The following TTLL8 variants were observed in gnomAD, a reference collection of about 807,000 sequenced individuals.
The protein encoded by TTLL8 is tubulin tyrosine ligase like 8, also known as protein monoglycylase TTLL8.
A neutral mutation model predicts 77.8 loss-of-function variants in TTLL8; 65 were observed. The ratio of observed to expected loss-of-function variants is 0.84; its 90% CI spans 0.68 to 1.03. The LOEUF (loss-of-function observed/expected upper bound fraction) is 1.03, where lower values mean the gene tolerates loss of function less well. Among genes scored for constraint, TTLL8 ranks in the 50% least tolerant of loss-of-function variants. The pLI, the probability that TTLL8 is intolerant of heterozygous loss-of-function variation, is 0.00. For synonymous variants in TTLL8, 402 were observed against 422.8 expected (o/e 0.95, Z 0.60); for missense variants, 910 against 1,004.5 (o/e 0.91, Z 1.27).
chr22:50,026,356 C>T (rs2061229571), intron 12 of TTLL8, among the ~76,000 whole-genome samples: 1 of 125,666 alleles, frequency 8.0e-6, no homozygotes, highest in Non-Finnish European at 1.8e-5. Context: ...GCACAGCCAC[C>T]ACCTCAGAGT....
chr22:50,041,875 G>A lies in TTLL8; in HGVS notation c.644-68C>T. ...GGGGCAGCCCTGCCCGCCTCGAGGG[G>A]TGATGTCTAAAGTCATGGACAAAGG... is the stretch of plus-strand genomic sequence containing the variant. On this transcript the variant is annotated intron_variant, in intron 6 of 13. Transcript: ENST00000266182. This position sits in a 1 kb window ranked among gnomAD's most constrained non-coding sequence, Gnocchi z 4.3. The A allele has an allele frequency of 7.9e-7, 1 of 1,269,436 alleles. No individual in the cohort carries two copies. The highest frequency in any genetic ancestry group is 1.0e-6 in the Non-Finnish European group (1 of 972,554). 78.6% of individuals were successfully genotyped at this position (1,269,436 alleles called of 1,614,324 possible).
intron 1 of TTLL8, among the ~76,000 whole-genome samples, chr22:50,052,061 G>A (rs958736530): frequency 2.0e-5 from 3 of 151,978 alleles, no homozygotes; most frequent in Admixed American, 1.3e-4. Context: ...CACCTCTCTG[G>A]GAACCCCGAG....
intron 4 of TTLL8, 45 bp from the exon 7 acceptor site, chr22:50,046,015 A>C: frequency 2.3e-6 from 3 of 1,307,848 alleles, no homozygotes; most frequent in Non-Finnish European, 2.0e-6. Flanking sequence ...AGCTCAGCTC[A>C]GCTCTGCCTC....
In TTLL8 at chr22:50,019,894, C is replaced by T. The variant is rs534052981; in HGVS notation, c.2204-3332G>A. On this transcript the variant is annotated intron_variant, in intron 12 of 13. Transcript: ENST00000266182. ...CACTGGTTAAAAGACACTGGCAGTC[C>T]GGAATTTTATGCAGAGAAATATGTA... Among the ~76,000 whole-genome samples, 8 of 152,128 alleles carry T rather than the reference C, an allele frequency of 5.3e-5. No individual in the cohort carries two copies. In the South Asian group the frequency reaches 8.3e-4, roughly 16 times the overall value.
intron 12 of TTLL8, among the ~76,000 whole-genome samples, chr22:50,028,637 C>T (rs1363448722): frequency 1.2e-5 from 1 of 83,240 alleles, no homozygotes; most frequent in Non-Finnish European, 2.9e-5. Context: ...CACATACCCT[C>T]GTAAAGACCC....
At chr22:50,020,897 A>G (rs1181790215) in intron 12 of TTLL8, among the ~76,000 whole-genome samples, 2 of 137,708 alleles carry the variant, frequency 1.5e-5, no homozygotes, top group African/African-American at 2.8e-5. Flanking sequence ...GCACTCCTCC[A>G]TCTGACGTGC....
chr22:50,029,496 C>T (rs937262218), intron 12 of TTLL8, among the ~76,000 whole-genome samples: 3 of 151,508 alleles, frequency 2.0e-5, no homozygotes, highest in Non-Finnish European at 4.4e-5. Context: ...AATCCCAGCA[C>T]CTTGGGAGGC....
At chr22:50,047,060 G>C (rs1601934742) in intron 4 of TTLL8, 108 bp downstream of exon 6, 1 of 1,263,412 alleles carries the variant, frequency 7.9e-7, no homozygotes, top group East Asian at 5.3e-5. Flanking sequence ...ATGCACCCAG[G>C]AGGTGACTGG....
intron 12 of TTLL8, among the ~76,000 whole-genome samples, chr22:50,026,748 A>T (rs1415359948): frequency 6.6e-6 from 1 of 152,228 alleles, no homozygotes; most frequent in East Asian, 1.9e-4. Context: ...ACTGTAGGTA[A>T]GTCATACCTT....
rs2061417496 is a variant in TTLL8, at chr22:50,047,148, C to A, written c.393+20G>T. 7.3e-7 allele frequency: 1 copy of A among 1,366,802 alleles called. No homozygotes were observed. Among genetic ancestry groups the A allele is most frequent in the Admixed American group, 1.9e-5 (1 of 52,538 alleles). 84.7% of individuals were successfully genotyped at this position (1,366,802 alleles called of 1,614,324 possible). Reference sequence around the variant, plus strand: ...ACCACCCTTGCCGGCTCCCGCCACGCTCAAGCGCGGCCGGCTCACCTTGGT... The same window carrying A: ...ACCACCCTTGCCGGCTCCCGCCACGATCAAGCGCGGCCGGCTCACCTTGGT... On this transcript the variant is annotated intron_variant, in intron 4 of 13. Coordinates refer to ENST00000266182, the Ensembl canonical transcript of TTLL8.
At chr22:50,021,602 TGAC>T (rs1207451049) in intron 12 of TTLL8, among the ~76,000 whole-genome samples, 2 of 137,474 alleles carry the variant, frequency 1.5e-5, no homozygotes, top group African/African-American at 2.9e-5. Context: ...CTCCTCCATC[TGAC>T]GACGTGCACT....
intron 10 of TTLL8, 133 bp from the exon 12 acceptor site, chr22:50,032,242 G>T: frequency 2.2e-6 from 2 of 920,788 alleles, no homozygotes; most frequent in Non-Finnish European, 1.5e-6. Flanking sequence ...CCAACCCTCT[G>T]CTGGAGGGGC....
chr22:50,019,294 CATAGA>C (rs1334555351), intron 12 of TTLL8, among the ~76,000 whole-genome samples: 1 of 152,120 alleles, frequency 6.6e-6, no homozygotes, highest in African/African-American at 2.4e-5. Context: ...GAAAAAGGAA[CATAGA>C]ATAGATGAGA....
In TTLL8 at chr22:50,042,496, A is replaced by G. The variant is rs547428837; in HGVS notation, c.644-689T>C. ...CAGCCAGAAAACAATTTAAAAATGA[A>G]CAATCTGAACAGTCACCTCACCAAA... is the stretch of plus-strand genomic sequence containing the variant. On this transcript the variant is annotated intron_variant, in intron 6 of 13. Transcript: ENST00000266182. Among the ~76,000 whole-genome samples, 6 of 152,324 alleles carry G rather than the reference A, an allele frequency of 3.9e-5. No homozygotes were observed. In the East Asian group the frequency reaches 1.2e-3, roughly 29 times the overall value.
chr22:50,045,764 C>A, intron 5 of TTLL8, 92 bp downstream of exon 7: 2 of 1,253,176 alleles, frequency 1.6e-6, no homozygotes, highest in Non-Finnish European at 2.1e-6. Flanking sequence ...ATCCTCAGAC[C>A]CTGCCCCATC....
At chr22:50,057,781 C>T (rs2031735681), upstream of TTLL8, among the ~76,000 whole-genome samples, 1 of 134,430 alleles carries the variant, frequency 7.4e-6, no homozygotes, top group Non-Finnish European at 1.6e-5. Context: ...AGGGGGAGGT[C>T]TGGGTTGGGG....
chr22:50,022,665 G>A (rs1367883585), intron 12 of TTLL8, among the ~76,000 whole-genome samples: 3 of 150,174 alleles, frequency 2.0e-5, no homozygotes, highest in African/African-American at 7.3e-5. Flanking sequence ...GATGTGTTTT[G>A]ATGAAAACCC....
At chr22:50,046,110 C>A in intron 4 of TTLL8, 140 bp from the exon 7 acceptor site, 2 of 675,684 alleles carry the variant, frequency 3.0e-6, no homozygotes, top group Non-Finnish European at 4.3e-6. Context: ...GATCCCTCCC[C>A]CTCCCCAGAT....
intron 12 of TTLL8, among the ~76,000 whole-genome samples, chr22:50,019,267 T>TA (rs1407921416): frequency 2.0e-5 from 3 of 151,982 alleles, no homozygotes; most frequent in African/African-American, 7.3e-5. Flanking sequence ...CAATGAAAAC[T>TA]AAGGCAAGAA....
Sources: gnomAD v4.1 joint callset for allele counts (sites outside exome capture counted in the v4.1 genomes callset) on GRCh38, gnomAD v4.1.1 for gene constraint, Gnocchi (gnomAD v3.1) non-coding constraint, MANE v1.5 for transcripts, NCBI Gene and HGNC (gene_info 2026-07-23, HGNC 2026-07-21) for gene names.